PHTF2: variants seen among roughly 807,000 people sequenced by gnomAD.
PHTF2 encodes putative homeodomain transcription factor 2.
Under a neutral mutation model 101.2 loss-of-function variants are expected in PHTF2, and 60 were observed. The ratio of observed to expected loss-of-function variants is 0.59; its 90% CI spans 0.48 to 0.73. The LOEUF is 0.73. PHTF2 is among the 30% of genes least tolerant of loss of function. The pLI is 0.00. For missense variants in PHTF2, 747 were observed against 908.7 expected, an observed-to-expected ratio of 0.82 and a Z score of 2.29; for synonymous variants, 311 against 307.3, an observed-to-expected ratio of 1.01 and a Z score of -0.13.
At chr7:77,907,591 G>A (rs759070280) in intron 7 of PHTF2, among the ~76,000 whole-genome samples, 6 of 152,148 alleles carry the variant, frequency 3.9e-5, no homozygotes, top group Non-Finnish European at 7.3e-5. Context: ...TTGTCCTGGT[G>A]CCTTTCACTC....
intron 9 of PHTF2, among the ~76,000 whole-genome samples, chr7:77,916,263 C>T (rs1291215104): frequency 6.6e-6 from 1 of 152,124 alleles, no homozygotes; most frequent in African/African-American, 2.4e-5. Context: ...CTCTCATCCC[C>T]ACTGCCTTTA....
At chr7:77,927,177 A>AAAAAAAAATAGATATATAT (rs1554388762) in intron 11 of PHTF2, among the ~76,000 whole-genome samples, 1 of 78,160 alleles carries the variant, frequency 1.3e-5, no homozygotes, top group South Asian at 4.1e-4. Flanking sequence ...AAAAAAAAAA[A>AAAAAAAAATAGATATATAT]ATATATATAT....
intron 4 of PHTF2, 86 bp downstream of exon 3, chr7:77,893,750 T>G: frequency 1.5e-6 from 1 of 653,514 alleles, no homozygotes; most frequent in South Asian, 2.1e-5. Context: ...TTTAATATAC[T>G]TTTAAGATAT....
chr7:77,884,265 A>C (rs914667636), intron 3 of PHTF2, among the ~76,000 whole-genome samples: 2 of 152,162 alleles, frequency 1.3e-5, no homozygotes, highest in Admixed American at 6.5e-5. Flanking sequence ...TTGGGGCACA[A>C]GTGGTTTTTG....
intron 2 of PHTF2, among the ~76,000 whole-genome samples, chr7:77,843,603 T>G (rs1796052494): frequency 6.6e-6 from 1 of 152,252 alleles, no homozygotes; most frequent in African/African-American, 2.4e-5. Flanking sequence ...TGTACTTCAG[T>G]GAAATGAAGG....
intron 16 of PHTF2, among the ~76,000 whole-genome samples, chr7:77,945,193 CTG>C (rs1489038870): frequency 6.6e-6 from 1 of 152,122 alleles, no homozygotes; most frequent in African/African-American, 2.4e-5. Flanking sequence ...ACAAAATTAA[CTG>C]GGCATGGTGG....
intron 1 of PHTF2, among the ~76,000 whole-genome samples, chr7:77,826,050 A>G (rs983800437): frequency 6.6e-6 from 1 of 152,230 alleles, no homozygotes; most frequent in Non-Finnish European, 1.5e-5. Flanking sequence ...AATGATTAAA[A>G]TTGACCATAT....
intron 1 of PHTF2, among the ~76,000 whole-genome samples, chr7:77,832,023 C>G (rs1795113369): frequency 1.3e-5 from 2 of 151,002 alleles, no homozygotes. Context: ...GTTACAAGGT[C>G]TCTCCAGAGA....
chr7:77,901,748 T>A lies in PHTF2; in HGVS notation c.287-14T>A. 1 of 1,446,256 alleles carries A rather than the reference T, an allele frequency of 6.9e-7. No individual in the cohort carries two copies. The highest frequency in any genetic ancestry group is 1.8e-4 in the Middle Eastern group (1 of 5,630). The allele number at this position is 1,446,256 out of a possible 1,614,324, so 89.6% of individuals were successfully genotyped here. A position where few individuals can be genotyped will look rare whatever the true frequency, so the allele number is the denominator to read the frequency against. ...ATATAAATATACTCTGTTGTCCTAT[T>A]TTACTTTTTTCAGGGTCTGCATTTG... On this transcript the variant is annotated splice_polypyrimidine_tract_variant and intron_variant, in intron 6 of 19. Coordinates refer to ENST00000416283, the Ensembl canonical transcript of PHTF2.
intron 8 of PHTF2, 82 bp from the exon 8 acceptor site, chr7:77,910,163 T>C (rs1352251773): frequency 8.7e-7 from 1 of 1,142,862 alleles, no homozygotes; most frequent in Non-Finnish European, 1.2e-6. Context: ...GTTTATGTTT[T>C]CCAAAATTTT....
chr7:77,896,720 G>C (rs1313407266), intron 5 of PHTF2, among the ~76,000 whole-genome samples: 1 of 152,088 alleles, frequency 6.6e-6, no homozygotes, highest in Non-Finnish European at 1.5e-5. Flanking sequence ...TTTATTCTAA[G>C]GAAGTTAGAG....
At chr7:77,955,043 CT>C (rs994654391) in exon 20 of PHTF2, 14 of 368,702 alleles carry the variant, frequency 3.8e-5, no homozygotes, top group Non-Finnish European at 5.1e-5. Context: ...TACTGGTTCA[CT>C]TTTTTTTACA....
At chr7:77,956,721 A>T (rs1418095639) in exon 20 of PHTF2, 1 of 152,602 alleles carries the variant, frequency 6.6e-6, no homozygotes, top group East Asian at 1.9e-4. Context: ...TATCAAATAT[A>T]TTTTGAGAAA....
intron 1 of PHTF2, among the ~76,000 whole-genome samples, chr7:77,812,867 G>T (rs912436000): frequency 2.0e-5 from 3 of 152,110 alleles, no homozygotes; most frequent in Admixed American, 6.6e-5. Flanking sequence ...GGGATTACAG[G>T]TGTGAGCCAC....
At chr7:77,933,353 G>A (rs1487667119) in intron 12 of PHTF2, among the ~76,000 whole-genome samples, 1 of 152,128 alleles carries the variant, frequency 6.6e-6, no homozygotes, top group Non-Finnish European at 1.5e-5. Flanking sequence ...GTTAGATTGA[G>A]AAGGAAATGA....
At chr7:77,867,688 T>C (rs1184910127) in intron 3 of PHTF2, among the ~76,000 whole-genome samples, 1 of 152,100 alleles carries the variant, frequency 6.6e-6, no homozygotes, top group African/African-American at 2.4e-5. Flanking sequence ...AGCTAAGGAG[T>C]TCTGGTGTAT....
At chr7:77,872,690 A>T (rs1798616042) in intron 3 of PHTF2, among the ~76,000 whole-genome samples, 1 of 152,162 alleles carries the variant, frequency 6.6e-6, no homozygotes, top group Non-Finnish European at 1.5e-5. Context: ...CTCTTCAGAG[A>T]TGCAGGTGCT....
intron 16 of PHTF2, among the ~76,000 whole-genome samples, chr7:77,944,690 G>A (rs1805900954): frequency 6.6e-6 from 1 of 152,150 alleles, no homozygotes; most frequent in African/African-American, 2.4e-5. Context: ...TAAACCCATA[G>A]CAGGATTAGA....
intron 3 of PHTF2, among the ~76,000 whole-genome samples, chr7:77,891,580 T>TG (rs10647773): frequency 0.58 from 88,396 of 151,620 alleles, 27,739 homozygotes; most frequent in African/African-American, 0.83. Context: ...TATGGTTTTT[T>TG]TTTGTTGTTG....
Sources: gnomAD v4.1 joint callset for allele counts (sites outside exome capture counted in the v4.1 genomes callset) on GRCh38, gnomAD v4.1.1 for gene constraint, MANE v1.5 for transcripts, NCBI Gene and HGNC (gene_info 2026-07-23, HGNC 2026-07-21) for gene names.